The following WDR70 variants were observed in gnomAD, a reference collection of about 807,000 sequenced individuals.
The protein encoded by WDR70 is WD repeat-containing protein 70.
WDR70 carries 53 observed loss-of-function variants against 88.6 expected under a neutral mutation model. The ratio of observed to expected loss-of-function variants is 0.60; its 90% CI spans 0.48 to 0.75. The LOEUF is 0.75. Among genes scored for constraint, WDR70 ranks in the 30% least tolerant of loss-of-function variants. The pLI is 0.00. For synonymous variants in WDR70, 280 were observed against 270.0 expected (o/e 1.04, Z -0.36); for missense variants, 610 against 823.2 (o/e 0.74, Z 3.17).
chr5:37,473,457 C>T (rs1739389137), intron 7 of WDR70, among the ~76,000 whole-genome samples: 2 of 151,694 alleles, frequency 1.3e-5, no homozygotes, highest in African/African-American at 4.8e-5. Flanking sequence ...GATTCTCCTG[C>T]CTCAGCCTCC....
intron 10 of WDR70, among the ~76,000 whole-genome samples, chr5:37,622,987 C>T (rs1470030343): frequency 6.6e-6 from 1 of 152,020 alleles, no homozygotes; most frequent in African/African-American, 2.4e-5. Context: ...ATAAAACAAT[C>T]ATTAGCCAGA....
intron 10 of WDR70, among the ~76,000 whole-genome samples, chr5:37,623,617 G>A (rs1012630664): frequency 5.9e-5 from 9 of 152,096 alleles, no homozygotes; most frequent in Non-Finnish European, 2.9e-5. Flanking sequence ...CAGCTATTAT[G>A]AGTATTCCAG....
intron 9 of WDR70, among the ~76,000 whole-genome samples, chr5:37,603,759 T>C (rs956140096): frequency 6.6e-6 from 1 of 152,234 alleles, no homozygotes; most frequent in African/African-American, 2.4e-5. Flanking sequence ...ATTTCTTATC[T>C]TGTTTTTGAT....
At chr5:37,666,643 G>A (rs966765891) in intron 10 of WDR70, among the ~76,000 whole-genome samples, 24 of 152,204 alleles carry the variant, frequency 1.6e-4, no homozygotes, top group African/African-American at 5.8e-4. Context: ...GGCCTAGCAA[G>A]GGAAGAACAA....
chr5:37,646,827 G>A (rs947041348), intron 10 of WDR70, among the ~76,000 whole-genome samples: 1 of 152,038 alleles, frequency 6.6e-6, no homozygotes, highest in African/African-American at 2.4e-5. Context: ...TGATTATTAA[G>A]TGTCTTCTGC....
chr5:37,387,834 A>G (rs1047399266), intron 3 of WDR70, among the ~76,000 whole-genome samples: 6 of 151,534 alleles, frequency 4.0e-5, no homozygotes, highest in African/African-American at 1.5e-4. Context: ...GAAAATTCTC[A>G]TATGGGCATT....
intron 10 of WDR70, among the ~76,000 whole-genome samples, chr5:37,695,126 AG>A (rs1746944694): frequency 6.6e-6 from 1 of 152,148 alleles, no homozygotes; most frequent in African/African-American, 2.4e-5. Flanking sequence ...TAGAAGGCAA[AG>A]GGGGAGTGAG....
At chr5:37,433,398 C>G (rs1023425681) in intron 5 of WDR70, among the ~76,000 whole-genome samples, 2 of 152,100 alleles carry the variant, frequency 1.3e-5, no homozygotes, top group African/African-American at 4.8e-5. Flanking sequence ...TTCTATGACT[C>G]AGAGCTTAAA....
At chr5:37,664,586 A>C (rs552705946) in intron 10 of WDR70, among the ~76,000 whole-genome samples, 1 of 152,272 alleles carries the variant, frequency 6.6e-6, no homozygotes, top group African/African-American at 2.4e-5. Context: ...TTATACTACC[A>C]TGATAAAGTT....
Position 37,576,098 on chromosome 5 carries a change from C to G in WDR70, c.918-28966C>G, listed in dbSNP as rs376296710. The stretch of plus-strand genomic sequence containing the variant: ...CCTAACTTCCTTCCTTCCTTCCCTC[C>G]CTCCCCGCCTCCTTCCCTCCCTCCC... On this transcript the variant is annotated intron_variant, in intron 9 of 17. Coordinates refer to ENST00000265107, the MANE Select transcript of WDR70 (RefSeq NM_018034.4). Among the ~76,000 whole-genome samples, 220 of 141,320 alleles carry G rather than the reference C, an allele frequency of 1.6e-3. 2 individuals are homozygous for G. The highest frequency in any genetic ancestry group is 5.6e-3 in the African/African-American group (212 of 38,050). 92.7% of individuals were successfully genotyped at this position (141,320 alleles called of 152,430 possible).
At chr5:37,450,969 G>C (rs567830945) in intron 7 of WDR70, among the ~76,000 whole-genome samples, 1 of 152,214 alleles carries the variant, frequency 6.6e-6, no homozygotes, top group African/African-American at 2.4e-5. Context: ...CGTGATCTCG[G>C]CTCACCGCAA....
chr5:37,397,988 T>G (rs1370569937), intron 5 of WDR70, among the ~76,000 whole-genome samples: 1 of 121,316 alleles, frequency 8.2e-6, no homozygotes, highest in Non-Finnish European at 1.7e-5. Flanking sequence ...AGATTCGGTC[T>G]CAGAAAAAAA....
At chr5:37,666,165 G>A (rs897449630) in intron 10 of WDR70, among the ~76,000 whole-genome samples, 2 of 152,222 alleles carry the variant, frequency 1.3e-5, no homozygotes, top group African/African-American at 2.4e-5. Context: ...CTGTGCTTCC[G>A]GTGTTGGCAT....
chr5:37,645,120 C>T (rs1463428362), intron 10 of WDR70, among the ~76,000 whole-genome samples: 1 of 151,036 alleles, frequency 6.6e-6, no homozygotes, highest in East Asian at 1.9e-4. Context: ...TAGCTATAAA[C>T]GTTCCTCTTG....
chr5:37,715,337 C>G, intron 13 of WDR70, among the ~76,000 whole-genome samples: 1 of 112,974 alleles, frequency 8.9e-6, no homozygotes, highest in African/African-American at 3.6e-5. Flanking sequence ...AGATTTCTGG[C>G]AAAAAAAAAA....
intron 17 of WDR70, among the ~76,000 whole-genome samples, chr5:37,744,948 T>G (rs1452797602): frequency 6.6e-6 from 1 of 152,030 alleles, no homozygotes; most frequent in African/African-American, 2.4e-5. Flanking sequence ...CACTAAGATA[T>G]TCCAAGAGAA....
Position 37,582,871 on chromosome 5 carries a change from C to T in WDR70, c.918-22193C>T, listed in dbSNP as rs536416879. Among the ~76,000 whole-genome samples the T allele has an allele frequency of 3.3e-5, 5 of 152,346 alleles. No homozygotes were observed. The East Asian group carries it at 9.6e-4, about 29-fold the overall frequency. On this transcript the variant is annotated intron_variant, in intron 9 of 17. Transcript: ENST00000265107. ...TCATCTTGTTTCAGCATGGGCTGTCCTTGTGCGTAGCACTTCTTTAGGATG... is the reference window on the plus strand; with the variant it reads ...TCATCTTGTTTCAGCATGGGCTGTCTTTGTGCGTAGCACTTCTTTAGGATG...
intron 5 of WDR70, among the ~76,000 whole-genome samples, chr5:37,422,788 A>G (rs763209859): frequency 6.6e-6 from 1 of 151,842 alleles, no homozygotes; most frequent in Non-Finnish European, 1.5e-5. Flanking sequence ...GCCCTCAGCT[A>G]AATTTTTTTT....
intron 9 of WDR70, among the ~76,000 whole-genome samples, chr5:37,568,967 T>C (rs936688476): frequency 1.3e-5 from 2 of 152,120 alleles, no homozygotes; most frequent in Non-Finnish European, 2.9e-5. Context: ...TGAGAATAGG[T>C]TGAGCTAGCC....
Sources: gnomAD v4.1 joint callset for allele counts (sites outside exome capture counted in the v4.1 genomes callset) on GRCh38, gnomAD v4.1.1 for gene constraint, MANE v1.5 for transcripts, NCBI Gene and HGNC (gene_info 2026-07-23, HGNC 2026-07-21) for gene names.